The following DDX50 variants were observed in gnomAD, a reference collection of about 807,000 sequenced individuals.
The protein encoded by DDX50 is DExD-box helicase 50.
In DDX50, 56 loss-of-function variants were observed where a neutral mutation model predicts 94.8. That is an observed-to-expected ratio of 0.59 (90% CI 0.48 to 0.74). The LOEUF is 0.74. Ranked by LOEUF, DDX50 falls within the 30% of genes least tolerant of loss-of-function variation. The pLI is 0.00. For synonymous variants in DDX50, 264 were observed against 295.4 expected, an observed-to-expected ratio of 0.89 and a Z score of 1.09; for missense variants, 713 against 881.2, an observed-to-expected ratio of 0.81 and a Z score of 2.42.
intron 7 of DDX50, 132 bp downstream of exon 7, chr10:68,914,336 T>C: frequency 1.1e-6 from 1 of 940,404 alleles, no homozygotes; most frequent in African/African-American, 1.7e-5. Context: ...GTAAGACACC[T>C]ATATATTTTT....
chr10:68,917,815 C>T (rs1237910360), intron 7 of DDX50, among the ~76,000 whole-genome samples: 5 of 152,140 alleles, frequency 3.3e-5, no homozygotes, highest in African/African-American at 1.2e-4. Flanking sequence ...GTTGGCCAGG[C>T]TAGTCTGGAA....
At chr10:68,918,428 C>CTTTTTTTTTTTTTTT in intron 7 of DDX50, among the ~76,000 whole-genome samples, 1 of 57,032 alleles carries the variant, frequency 1.8e-5, no homozygotes, top group Non-Finnish European at 3.1e-5. Flanking sequence ...CCATTCCCTC[C>CTTTTTTTTTTTTTTT]TTTTTTTTTT....
At chr10:68,943,656 TC>T (rs926644797) in intron 14 of DDX50, among the ~76,000 whole-genome samples, 1 of 152,126 alleles carries the variant, frequency 6.6e-6, no homozygotes, top group Non-Finnish European at 1.5e-5. Flanking sequence ...GGGCTGAAAC[TC>T]CCGACCTCAG....
chr10:68,902,613 T>C (rs922967223), intron 1 of DDX50, among the ~76,000 whole-genome samples: 1 of 152,190 alleles, frequency 6.6e-6, no homozygotes, highest in East Asian at 1.9e-4. Context: ...CATTAAACAC[T>C]CACTTCTCAT....
intron 3 of DDX50, among the ~76,000 whole-genome samples, chr10:68,910,861 C>T (rs980020732): frequency 2.0e-5 from 3 of 152,094 alleles, no homozygotes; most frequent in African/African-American, 7.2e-5. Context: ...AATATTCTGC[C>T]TTGTTTTTAG....
chr10:68,910,507 A>C, intron 3 of DDX50, 125 bp downstream of exon 3: 1 of 656,746 alleles, frequency 1.5e-6, no homozygotes, highest in East Asian at 3.1e-5. Flanking sequence ...GGTTCAAGCG[A>C]TTCTCCTACC....
Position 68,941,223 on chromosome 10 carries a change from T to G in DDX50, c.1890+29T>G, listed in dbSNP as rs115194932. 3.6e-4 allele frequency: 581 copies of G among 1,604,030 alleles called. 3 individuals carry two copies. The African/African-American group carries it at 7.1e-3, about 20-fold the overall frequency. ...GGCTTTTCCAGACAATTAAAAAGCT[T>G]TTTAATCAACTACCCCAAATGTTTA... is the stretch of plus-strand genomic sequence containing the variant. On this transcript the variant is annotated intron_variant, in intron 13 of 14. Transcript: ENST00000373585.
intron 1 of DDX50, chr10:68,906,447 C>T (rs937230905): frequency 1.9e-4 from 59 of 317,550 alleles, no homozygotes; most frequent in Admixed American, 1.1e-3. Context: ...GAGGAGAAAC[C>T]GTTTTAATTT....
At chr10:68,935,197 A>G (rs973861326) in intron 10 of DDX50, among the ~76,000 whole-genome samples, 1 of 69,242 alleles carries the variant, frequency 1.4e-5, no homozygotes, top group Non-Finnish European at 3.1e-5. Flanking sequence ...TCTTAGTGTA[A>G]ATGGGTGACT....
rs186380132 is a variant in DDX50 at position 68,907,010 on chromosome 10, A to G, written c.384+3A>G. 6,911 of 1,571,062 alleles carry G rather than the reference A, an allele frequency of 4.4e-3. 18 individuals carry two copies. Among genetic ancestry groups the G allele is most frequent in the Non-Finnish European group, 5.3e-3 (6,240 of 1,168,602 alleles). On this transcript the variant is annotated splice_donor_region_variant and intron_variant, in intron 2 of 14. Coordinates refer to ENST00000373585, the MANE Select transcript of DDX50 (RefSeq NM_024045.2). ...CAAGTGATAATAAACTAGAGGAGGT[A>G]TGGAAGCTTTTTATTTTGCATTTGA...
At chr10:68,916,453 G>A (rs1841796201) in intron 7 of DDX50, among the ~76,000 whole-genome samples, 1 of 151,714 alleles carries the variant, frequency 6.6e-6, no homozygotes, top group Non-Finnish European at 1.5e-5. Flanking sequence ...AAAAACAGTT[G>A]ATAAGAACAT....
intron 8 of DDX50, among the ~76,000 whole-genome samples, chr10:68,929,332 T>TTTCC (rs1158722953): frequency 5.6e-5 from 8 of 143,908 alleles, no homozygotes; most frequent in African/African-American, 1.3e-4. Flanking sequence ...TCTTTCTTTC[T>TTTCC]TTCCTTCCTT....
chr10:68,903,977 GA>G (rs755101958), intron 1 of DDX50, among the ~76,000 whole-genome samples: 1,207 of 84,520 alleles, frequency 0.014, 27 homozygotes, highest in African/African-American at 0.041. Flanking sequence ...CTCCGTCTCA[GA>G]AAAAAAAAAA....
At chr10:68,927,860 A>G (rs370062184) in intron 8 of DDX50, among the ~76,000 whole-genome samples, 61 of 152,288 alleles carry the variant, frequency 4.0e-4, no homozygotes, top group African/African-American at 1.4e-3. Flanking sequence ...CTTCCTATTT[A>G]AAGGGATACT....
intron 12 of DDX50, among the ~76,000 whole-genome samples, chr10:68,938,497 G>A (rs1842477895): frequency 6.6e-6 from 1 of 152,150 alleles, no homozygotes; most frequent in Non-Finnish European, 1.5e-5. Context: ...ACCTGGTCCT[G>A]GAGACATCTA....
In DDX50 at chr10:68,910,510, C is replaced by A. The variant is rs1841595256; in HGVS notation, c.460+128C>A. On this transcript the variant is annotated intron_variant, in intron 3 of 14. Transcript: ENST00000373585. ...CTCCGCCTCCTGGGTTCAAGCGATT[C>A]TCCTACCTCAGCCTGCTGAGTAGTT... 22 of 645,334 alleles carry A rather than the reference C, an allele frequency of 3.4e-5. No individual in the cohort carries two copies. In the South Asian group the frequency reaches 4.6e-4, roughly 13 times the overall value. 40.0% of individuals were successfully genotyped at this position (645,334 alleles called of 1,614,324 possible). A position where few individuals can be genotyped will look rare whatever the true frequency, so the allele number is the denominator to read the frequency against.
chr10:68,913,612 A>G (rs770059440), intron 6 of DDX50, 36 bp downstream of exon 6: 1 of 1,565,412 alleles, frequency 6.4e-7, no homozygotes, highest in Middle Eastern at 1.7e-4. Flanking sequence ...ATTAGCAATT[A>G]TTGTTCGATC....
At chr10:68,910,007 A>G (rs1023497070) in intron 2 of DDX50, among the ~76,000 whole-genome samples, 1 of 152,170 alleles carries the variant, frequency 6.6e-6, no homozygotes, top group African/African-American at 2.4e-5. Flanking sequence ...CCTGGATAAC[A>G]TGGTGAGACC....
rs1055600 is a variant in DDX50, at chr10:68,906,731, G to C, written c.108G>C (p.Arg36Ser). The C allele has an allele frequency of 1.2e-6, 2 of 1,610,464 alleles. No individual in the cohort carries two copies. The highest frequency in any genetic ancestry group is 1.3e-5 in the African/African-American group (1 of 74,698). ...CACAGAGTGACAGAAGGAAGTCAAGGCACCATTATGACTCGGATGAGAAAT... is the reference window on the plus strand; with the variant it reads ...CACAGAGTGACAGAAGGAAGTCAAGCCACCATTATGACTCGGATGAGAAAT... ...ERQKSDRRKS[R>S]HHYDSDEKSE... The change falls in exon 2 of 15, where the codon AGG becomes AGC. Residue 36 changes from arginine to serine, a missense_variant. Transcript: ENST00000373585.
Sources: allele counts gnomAD v4.1 joint callset (sites outside exome capture counted in the v4.1 genomes callset), GRCh38; gene constraint gnomAD v4.1.1; transcripts MANE v1.5; gene names NCBI Gene and HGNC (gene_info 2026-07-23, HGNC 2026-07-21).